NAALADL2: variants seen among roughly 807,000 people sequenced by gnomAD.
NAALADL2 encodes N-acetylated alpha-linked acidic dipeptidase like 2.
In NAALADL2, 76 loss-of-function variants were observed where a neutral mutation model predicts 87.2. The observed-to-expected ratio is 0.87, with a 90% CI of 0.72 to 1.05. The LOEUF (loss-of-function observed/expected upper bound fraction) is 1.05, where lower values mean the gene tolerates loss of function less well. Among genes scored for constraint, NAALADL2 ranks in the 50% least tolerant of loss-of-function variants. The probability of loss-of-function intolerance (pLI) is 0.00; values close to 1 mark genes in which losing one functional copy is unlikely to be tolerated. For synonymous variants in NAALADL2, 354 were observed against 331.0 expected (o/e 1.07, Z -0.75); for missense variants, 1,089 against 945.8 (o/e 1.15, Z -1.99).
At chr3:174,988,923 C>T (rs1746343556) in intron 1 of NAALADL2, among the ~76,000 whole-genome samples, 1 of 152,160 alleles carries the variant, frequency 6.6e-6, no homozygotes, top group Admixed American at 6.5e-5. Context: ...ATTTATTTGG[C>T]TCATGGTTCT....
chr3:175,467,486 C>T (rs893793984), intron 8 of NAALADL2, among the ~76,000 whole-genome samples: 14 of 152,032 alleles, frequency 9.2e-5, no homozygotes, highest in African/African-American at 3.4e-4. Context: ...ATGACAGGCA[C>T]TGGACAAAAA....
chr3:174,501,574 A>G (rs1463463178), intron 1 of NAALADL2, among the ~76,000 whole-genome samples: 1 of 152,128 alleles, frequency 6.6e-6, no homozygotes. Flanking sequence ...AATTTCTTTA[A>G]AAGGTATAGG....
chr3:175,547,169 T>G (rs1331582952), intron 9 of NAALADL2, among the ~76,000 whole-genome samples: 2 of 152,006 alleles, frequency 1.3e-5, no homozygotes, highest in East Asian at 3.9e-4. Flanking sequence ...TCAAATATAT[T>G]ACAGGGTTAT....
intron 1 of NAALADL2, among the ~76,000 whole-genome samples, chr3:175,061,235 A>G (rs375102047): frequency 6.6e-6 from 1 of 152,186 alleles, no homozygotes; most frequent in Non-Finnish European, 1.5e-5. Context: ...GCCTAAATAA[A>G]TTGGAATTAG....
chr3:174,926,308 C>G (rs528090173), intron 1 of NAALADL2, among the ~76,000 whole-genome samples: 1 of 152,226 alleles, frequency 6.6e-6, no homozygotes, highest in African/African-American at 2.4e-5. Context: ...GAGAACTTCC[C>G]CAATCTAGCA....
chr3:175,150,597 G>A (rs1218558051), intron 2 of NAALADL2, among the ~76,000 whole-genome samples: 3 of 152,108 alleles, frequency 2.0e-5, no homozygotes, highest in Admixed American at 1.3e-4. Context: ...TAGCCAGTTC[G>A]AATAGCCTGC....
chr3:174,747,735 T>C (rs1319335234), intron 3 of NAALADL2, among the ~76,000 whole-genome samples: 2 of 152,020 alleles, frequency 1.3e-5, no homozygotes, highest in Non-Finnish European at 2.9e-5. Flanking sequence ...GTTCAACGAT[T>C]GTGGAAGACA....
intron 2 of NAALADL2, among the ~76,000 whole-genome samples, chr3:174,659,122 T>G (rs1395411625): frequency 1.3e-5 from 2 of 152,184 alleles, no homozygotes; most frequent in African/African-American, 4.8e-5. Flanking sequence ...GTGTATTATC[T>G]GAATAGTTAT....
chr3:174,713,117 T>TA (rs1235222826), intron 2 of NAALADL2, among the ~76,000 whole-genome samples: 1 of 152,196 alleles, frequency 6.6e-6, no homozygotes, highest in Non-Finnish European at 1.5e-5. Context: ...TCCATGTCCC[T>TA]ACAAAGGACA....
intron 1 of NAALADL2, among the ~76,000 whole-genome samples, chr3:175,077,419 T>C (rs374121035): frequency 2.6e-5 from 4 of 152,150 alleles, no homozygotes; most frequent in African/African-American, 9.7e-5. Flanking sequence ...GCACCCAGTA[T>C]TTTTTCCGTG....
chr3:174,458,981 A>C (rs1716031808), intron 1 of NAALADL2, among the ~76,000 whole-genome samples: 1 of 152,124 alleles, frequency 6.6e-6, no homozygotes. Context: ...GAGGTTGGGC[A>C]AGAGAGTAGG....
chr3:175,785,916 T>G (rs1049765730), intron 13 of NAALADL2, among the ~76,000 whole-genome samples: 3 of 150,240 alleles, frequency 2.0e-5, no homozygotes, highest in African/African-American at 7.4e-5. Context: ...ACAAAATCTC[T>G]CAGCATTTGC....
At chr3:175,199,708 A>G (rs1739520653) in intron 2 of NAALADL2, among the ~76,000 whole-genome samples, 1 of 149,228 alleles carries the variant, frequency 6.7e-6, no homozygotes, top group Non-Finnish European at 1.5e-5. Context: ...CTTTACTCCT[A>G]GTTTCTCTAT....
At position 175,674,766 on chromosome 3, in the gene NAALADL2, T is replaced by A. The variant is rs545556301; in HGVS notation, c.1896+47380T>A. On this transcript the variant is annotated intron_variant, in intron 11 of 13. Transcript: ENST00000454872. ...TGTAAAATAAAGTAAAAAAAAGACT[T>A]AATTTGGTCTTTTGATGATTTTTCA... is the stretch of plus-strand genomic sequence containing the variant. Among the ~76,000 whole-genome samples, 7 of 152,306 alleles carry A rather than the reference T, an allele frequency of 4.6e-5. No homozygotes were observed. The East Asian group carries it at 1.4e-3, about 29-fold the overall frequency.
intron 1 of NAALADL2, among the ~76,000 whole-genome samples, chr3:174,513,172 G>A (rs889910433): frequency 3.3e-5 from 5 of 151,828 alleles, no homozygotes; most frequent in Admixed American, 1.3e-4. Flanking sequence ...ATGTTGGTCC[G>A]GCTGGTCTTG....
rs192356330 is a variant in NAALADL2, at chr3:175,088,988, C to T, written c.44-7802C>T. Among the ~76,000 whole-genome samples the T allele has an allele frequency of 5.6e-4, 85 of 151,848 alleles. 1 individual carries two copies. The highest frequency in any genetic ancestry group is 1.0e-3 in the Non-Finnish European group (69 of 67,972). ...TGAACTGTAACTGTCACGTTCTTAG[C>T]AGAGTTGCTTTGCTCTTTGTCCCTC... On this transcript the variant is annotated intron_variant, in intron 1 of 13. Transcript: ENST00000454872.
At chr3:174,676,959 G>A (rs570733522) in intron 2 of NAALADL2, among the ~76,000 whole-genome samples, 1 of 151,846 alleles carries the variant, frequency 6.6e-6, no homozygotes, top group East Asian at 1.9e-4. Flanking sequence ...TATATTCATT[G>A]AAAGTATTGA....
intron 3 of NAALADL2, among the ~76,000 whole-genome samples, chr3:174,851,362 T>TAAAA (rs34003047): frequency 4.6e-5 from 5 of 107,844 alleles, no homozygotes; most frequent in Non-Finnish European, 9.6e-5. Context: ...TCAGCCAGAC[T>TAAAA]AAAAAAAAAA....
At chr3:174,486,185 C>G (rs979895545) in intron 1 of NAALADL2, among the ~76,000 whole-genome samples, 12 of 152,008 alleles carry the variant, frequency 7.9e-5, no homozygotes, top group African/African-American at 2.9e-4. Context: ...TTTCCCTTCT[C>G]CCAGGTCAGT....
Sources: gnomAD v4.1 joint callset for allele counts (sites outside exome capture counted in the v4.1 genomes callset) on GRCh38, gnomAD v4.1.1 for gene constraint, MANE v1.5 for transcripts, NCBI Gene and HGNC (gene_info 2026-07-23, HGNC 2026-07-21) for gene names.